USP33: variants seen among roughly 807,000 people sequenced by gnomAD.
USP33 encodes ubiquitin specific peptidase 33.
USP33 carries 46 observed loss-of-function variants against 124.2 expected under a neutral mutation model. The ratio of observed to expected loss-of-function variants is 0.37; its 90% CI spans 0.29 to 0.47. The LOEUF is 0.47. USP33 is among the 20% of genes least tolerant of loss of function. The pLI, the probability that USP33 is intolerant of heterozygous loss-of-function variation, is 0.99. For missense variants in USP33, 851 were observed against 1,070.6 expected (o/e 0.79, Z 2.86); for synonymous variants, 350 against 352.3 (o/e 0.99, Z 0.07).
intron 22 of USP33, among the ~76,000 whole-genome samples, chr1:77,698,270 T>C (rs1344382645): frequency 1.3e-5 from 2 of 149,314 alleles, no homozygotes; most frequent in African/African-American, 4.9e-5. Context: ...GATGGGAGTT[T>C]CACCATGTTG....
At chr1:77,735,410 A>AT (rs1678327111) in intron 6 of USP33, among the ~76,000 whole-genome samples, 1 of 152,228 alleles carries the variant, frequency 6.6e-6, no homozygotes, top group African/African-American at 2.4e-5. Context: ...ATTACCACTT[A>AT]TTGATAAGTA....
At chr1:77,758,486 T>C (rs1681016069) in intron 1 of USP33, among the ~76,000 whole-genome samples, 1 of 152,204 alleles carries the variant, frequency 6.6e-6, no homozygotes, top group Non-Finnish European at 1.5e-5. Flanking sequence ...GACCTTTCTT[T>C]CAATCCTGCC....
rs1677520314 is a variant in USP33 at position 77,729,312 on chromosome 1, C to T, written c.717+548G>A. Among the ~76,000 whole-genome samples, 3 of 146,456 alleles carry T rather than the reference C, an allele frequency of 2.0e-5. No individual in the cohort carries two copies. The Admixed American group carries it at 2.1e-4, about 10-fold the overall frequency. On this transcript the variant is annotated intron_variant, in intron 9 of 23. Coordinates refer to ENST00000370794, the MANE Select transcript of USP33 (RefSeq NM_201624.3). ...CTTCGGGAGATCAAGGAGGGAGGAT[C>T]GTTTGAGTCAGGAGTTCAAGACCAG...
intron 1 of USP33, among the ~76,000 whole-genome samples, chr1:77,748,049 G>A (rs1330988347): frequency 6.6e-6 from 1 of 152,104 alleles, no homozygotes; most frequent in Non-Finnish European, 1.5e-5. Flanking sequence ...CCTTTTCATG[G>A]TTTCCCTGGC....
intron 1 of USP33, among the ~76,000 whole-genome samples, chr1:77,754,453 T>A (rs1570881708): frequency 6.6e-6 from 1 of 152,208 alleles, no homozygotes; most frequent in East Asian, 1.9e-4. Flanking sequence ...AGCAGAAAAG[T>A]TTATTTTATT....
At chr1:77,742,569 C>T (rs1418613708) in intron 1 of USP33, among the ~76,000 whole-genome samples, 1 of 119,456 alleles carries the variant, frequency 8.4e-6, no homozygotes, top group Non-Finnish European at 1.6e-5. Flanking sequence ...GAGATGCAAA[C>T]TTTACTGATC....
chr1:77,714,317 C>T (rs182620147), intron 19 of USP33, among the ~76,000 whole-genome samples: 1 of 152,150 alleles, frequency 6.6e-6, no homozygotes, highest in African/African-American at 2.4e-5. Context: ...GTATCTTACT[C>T]TACTATGAAA....
chr1:77,748,903 T>TATAATGATGTG (rs988885214), intron 1 of USP33, among the ~76,000 whole-genome samples: 5 of 152,128 alleles, frequency 3.3e-5, no homozygotes, highest in Non-Finnish European at 7.4e-5. Flanking sequence ...TCCTTTTTAT[T>TATAATGATGTG]ATAATGATGT....
chr1:77,746,242 T>C (rs1165017647), intron 1 of USP33, among the ~76,000 whole-genome samples: 1 of 152,136 alleles, frequency 6.6e-6, no homozygotes, highest in East Asian at 1.9e-4. Context: ...GATCAGAGAA[T>C]ACTATAAACA....
chr1:77,709,902 C>CACAA (rs66985544), intron 21 of USP33, among the ~76,000 whole-genome samples: 3 of 151,670 alleles, frequency 2.0e-5, no homozygotes, highest in African/African-American at 7.3e-5. Context: ...CACACACACA[C>CACAA]ACACACACAC....
At chr1:77,728,221 G>T in intron 10 of USP33, 74 bp downstream of exon 10, 1 of 1,410,678 alleles carries the variant, frequency 7.1e-7, no homozygotes, top group Non-Finnish European at 9.6e-7. Flanking sequence ...AATACCCAAA[G>T]TAACAATTAT....
chr1:77,744,319 G>C (rs1679494841), intron 1 of USP33, among the ~76,000 whole-genome samples: 1 of 151,988 alleles, frequency 6.6e-6, no homozygotes, highest in South Asian at 2.1e-4. Context: ...ACAGTGAAGA[G>C]AAAAAGAAGA....
chr1:77,751,749 C>T (rs980735732), intron 1 of USP33, among the ~76,000 whole-genome samples: 8 of 151,722 alleles, frequency 5.3e-5, no homozygotes, highest in African/African-American at 7.3e-5. Flanking sequence ...AGTGCAGTGG[C>T]GCGATCTCAG....
At position 77,731,538 on chromosome 1, in the gene USP33, CT is replaced by C. The variant is rs1233549511; in HGVS notation, c.525-808del. On this transcript the variant is annotated intron_variant, in intron 7 of 23. Coordinates refer to ENST00000370794, the MANE Select transcript of USP33 (RefSeq NM_201624.3). ...AAGTCATCTCTTTGCCAAGTGTAAT[CT>C]TTTTTTTTTTTTTGGTAGAGACAGG... is the stretch of plus-strand genomic sequence containing the variant. Among the ~76,000 whole-genome samples the C allele has an allele frequency of 3.4e-3, 481 of 142,618 alleles. 1 individual carries two copies. The highest frequency in any genetic ancestry group is 3.4e-3 in the Admixed American group (48 of 14,138). 93.6% of individuals were successfully genotyped at this position (142,618 alleles called of 152,430 possible).
intron 16 of USP33, 32 bp downstream of exon 16, chr1:77,718,564 C>A: frequency 6.6e-7 from 1 of 1,515,964 alleles, no homozygotes; most frequent in East Asian, 2.3e-5. Context: ...TCCTACCACA[C>A]AATATAAGTT....
At chr1:77,753,779 G>T (rs1680558386) in intron 1 of USP33, among the ~76,000 whole-genome samples, 1 of 150,490 alleles carries the variant, frequency 6.6e-6, no homozygotes, top group South Asian at 2.1e-4. Context: ...GAGTTTTGGA[G>T]AAGATTAATA....
chr1:77,726,524 T>C (rs984164774), intron 10 of USP33, among the ~76,000 whole-genome samples: 1 of 151,728 alleles, frequency 6.6e-6, no homozygotes, highest in Middle Eastern at 3.2e-3. Context: ...TGTACACCTG[T>C]AGTGCTGGCT....
At chr1:77,734,558 C>A in intron 6 of USP33, 142 bp from the exon 7 acceptor site, 1 of 565,380 alleles carries the variant, frequency 1.8e-6, no homozygotes, top group Non-Finnish European at 3.1e-6. Context: ...AGAGGTCACA[C>A]TTTGGGAAGC....
chr1:77,734,466 C>T, intron 6 of USP33, 50 bp from the exon 7 acceptor site: 2 of 1,243,618 alleles, frequency 1.6e-6, no homozygotes, highest in Non-Finnish European at 2.3e-6. Context: ...TGCAAAATGA[C>T]TCAATTTTAG....
Sources: gnomAD v4.1 joint callset for allele counts (sites outside exome capture counted in the v4.1 genomes callset) on GRCh38, gnomAD v4.1.1 for gene constraint, MANE v1.5 for transcripts, NCBI Gene and HGNC (gene_info 2026-07-23, HGNC 2026-07-21) for gene names.